Variants in NRG3 observed in about 807,000 individuals in gnomAD.
The protein encoded by NRG3 is pro-neuregulin-3, membrane-bound isoform.
In NRG3, 31 loss-of-function variants were observed where a neutral mutation model predicts 66.9. That is an observed-to-expected ratio of 0.46 (90% CI 0.35 to 0.63). NRG3 has a LOEUF of 0.63. NRG3 is among the 20% of genes least tolerant of loss of function. NRG3 has a pLI of 0.00. For missense variants in NRG3, 910 were observed against 878.9 expected (o/e 1.04, Z -0.45); for synonymous variants, 393 against 359.4 (o/e 1.09, Z -1.06).
chr10:81,879,902 C>G (rs1214511091), intron 1 of NRG3, among the ~76,000 whole-genome samples: 1 of 152,184 alleles, frequency 6.6e-6, no homozygotes, highest in Non-Finnish European at 1.5e-5. Context: ...TGTATTCTCT[C>G]TACATGAGTC....
chr10:82,573,639 T>C (rs1187900908), intron 2 of NRG3, among the ~76,000 whole-genome samples: 2 of 151,736 alleles, frequency 1.3e-5, no homozygotes, highest in Admixed American at 6.6e-5. Context: ...GTGTAGTGCA[T>C]AGGAGATGTA....
At chr10:81,898,238 T>C (rs1448883035) in intron 1 of NRG3, among the ~76,000 whole-genome samples, 1 of 152,142 alleles carries the variant, frequency 6.6e-6, no homozygotes, top group Non-Finnish European at 1.5e-5. Flanking sequence ...GTTTGAGCAG[T>C]GGAGATGGGA....
At chr10:82,055,868 G>A (rs2063822806) in intron 1 of NRG3, among the ~76,000 whole-genome samples, 1 of 152,150 alleles carries the variant, frequency 6.6e-6, no homozygotes, top group Non-Finnish European at 1.5e-5. Flanking sequence ...TCAGATTAAG[G>A]AGTGAAATGC....
At chr10:82,262,036 T>C (rs1034191251) in intron 1 of NRG3, among the ~76,000 whole-genome samples, 1 of 152,148 alleles carries the variant, frequency 6.6e-6, no homozygotes, top group Non-Finnish European at 1.5e-5. Flanking sequence ...TCCACCATAA[T>C]TGGAAGCTTC....
At chr10:82,525,338 T>G (rs1424521912) in intron 2 of NRG3, among the ~76,000 whole-genome samples, 1 of 151,746 alleles carries the variant, frequency 6.6e-6, no homozygotes, top group Non-Finnish European at 1.5e-5. Flanking sequence ...GTGTGAGAGG[T>G]CAAACTCCAG....
chr10:82,832,594 T>G (rs1441528041), intron 3 of NRG3, among the ~76,000 whole-genome samples: 1 of 152,196 alleles, frequency 6.6e-6, no homozygotes, highest in Non-Finnish European at 1.5e-5. Flanking sequence ...TGCAAGAGTT[T>G]AATAACATTG....
intron 2 of NRG3, among the ~76,000 whole-genome samples, chr10:82,722,803 C>T (rs911023945): frequency 6.6e-6 from 1 of 152,106 alleles, no homozygotes; most frequent in Non-Finnish European, 1.5e-5. Flanking sequence ...CTTCTGTCTC[C>T]TCCCTGACTT....
intron 1 of NRG3, among the ~76,000 whole-genome samples, chr10:82,057,437 C>T (rs540792000): frequency 2.0e-5 from 3 of 152,132 alleles, no homozygotes; most frequent in East Asian, 3.9e-4. Context: ...TCTGCCTACA[C>T]GTATACATGG....
At chr10:82,329,404 T>C (rs935154010) in intron 1 of NRG3, among the ~76,000 whole-genome samples, 4 of 146,180 alleles carry the variant, frequency 2.7e-5, no homozygotes, top group Non-Finnish European at 5.9e-5. Context: ...GTTTTTTTGT[T>C]TTGTTGTTTG....
chr10:82,080,085 C>T (rs1243075876), intron 1 of NRG3, among the ~76,000 whole-genome samples: 6 of 152,146 alleles, frequency 3.9e-5, no homozygotes, highest in African/African-American at 1.4e-4. Context: ...TCCACAGAGG[C>T]TGTTGAAGAA....
intron 1 of NRG3, among the ~76,000 whole-genome samples, chr10:82,167,274 T>C (rs768406624): frequency 1.2e-4 from 19 of 152,128 alleles, no homozygotes; most frequent in Non-Finnish European, 2.4e-4. Flanking sequence ...TATTCTGGCA[T>C]GCAATTAATT....
chr10:82,035,384 C>T (rs556994050), intron 1 of NRG3, among the ~76,000 whole-genome samples: 4 of 152,188 alleles, frequency 2.6e-5, no homozygotes, highest in Non-Finnish European at 1.5e-5. Flanking sequence ...TTTTCTTCTT[C>T]ACAGTGTATT....
intron 1 of NRG3, among the ~76,000 whole-genome samples, chr10:82,115,842 G>T (rs1039403391): frequency 1.3e-5 from 2 of 152,140 alleles, no homozygotes; most frequent in Non-Finnish European, 2.9e-5. Context: ...CTGGTGGGCA[G>T]ATGGCACAGA....
At chr10:82,808,227 G>A (rs1056235826) in intron 3 of NRG3, among the ~76,000 whole-genome samples, 2 of 149,452 alleles carry the variant, frequency 1.3e-5, no homozygotes, top group Non-Finnish European at 3.0e-5. Context: ...TAGTCAAGTC[G>A]CTATTTTGAA....
At chr10:82,052,888 G>A (rs2063666524) in intron 1 of NRG3, among the ~76,000 whole-genome samples, 1 of 151,964 alleles carries the variant, frequency 6.6e-6, no homozygotes, top group Non-Finnish European at 1.5e-5. Flanking sequence ...AGAAAATATA[G>A]GGCTACATTA....
intron 2 of NRG3, among the ~76,000 whole-genome samples, chr10:82,731,064 CA>C (rs1276702072): frequency 5.3e-5 from 8 of 151,934 alleles, no homozygotes; most frequent in Non-Finnish European, 1.2e-4. Context: ...GGGTAGTCTG[CA>C]GTCAAGAAAT....
chr10:82,443,421 A>G (rs948293191), intron 2 of NRG3, among the ~76,000 whole-genome samples: 4 of 152,244 alleles, frequency 2.6e-5, no homozygotes, highest in Non-Finnish European at 5.9e-5. Flanking sequence ...GGCGCTAGAC[A>G]TGTGGACAAT....
intron 2 of NRG3, among the ~76,000 whole-genome samples, chr10:82,494,880 A>T (rs1255744079): frequency 6.6e-6 from 1 of 152,032 alleles, no homozygotes; most frequent in Non-Finnish European, 1.5e-5. Context: ...GGCAGCTAAG[A>T]ACTTGGCTAT....
chr10:82,334,048 T>C (rs1025926416), intron 1 of NRG3, among the ~76,000 whole-genome samples: 51 of 149,160 alleles, frequency 3.4e-4, no homozygotes, highest in Non-Finnish European at 5.5e-4. Flanking sequence ...CGGGCGCCTG[T>C]AGTCCCAGCT....
Sources: gnomAD v4.1 joint callset for allele counts (sites outside exome capture counted in the v4.1 genomes callset) on GRCh38, gnomAD v4.1.1 for gene constraint, MANE v1.5 for transcripts, NCBI Gene and HGNC (gene_info 2026-07-23, HGNC 2026-07-21) for gene names.